BTBD9: variants seen among roughly 807,000 people sequenced by gnomAD.
BTBD9 encodes BTB/POZ domain-containing protein 9.
A neutral mutation model predicts 64.3 loss-of-function variants in BTBD9; 49 were observed. The ratio of observed to expected loss-of-function variants is 0.76; its 90% CI spans 0.61 to 0.97. The LOEUF is 0.97. BTBD9 is among the 50% of genes least tolerant of loss of function. The probability of loss-of-function intolerance (pLI) is 0.00; values close to 1 mark genes in which losing one functional copy is unlikely to be tolerated. For synonymous variants in BTBD9, 260 were observed against 274.7 expected (o/e 0.95, Z 0.53); for missense variants, 598 against 762.1 (o/e 0.78, Z 2.53).
At chr6:38,221,995 A>AAAAAAAT (rs984457269) in intron 9 of BTBD9, among the ~76,000 whole-genome samples, 1 of 152,114 alleles carries the variant, frequency 6.6e-6, no homozygotes, top group East Asian at 1.9e-4. Flanking sequence ...GTCTCGAAGA[A>AAAAAAAT]AAAAAATAAA....
chr6:38,599,158 A>T (rs984935646), intron 1 of BTBD9, among the ~76,000 whole-genome samples: 1 of 152,312 alleles, frequency 6.6e-6, no homozygotes, highest in East Asian at 1.9e-4. Context: ...TTTGTATACA[A>T]TGCCTTTCTA....
intron 6 of BTBD9, among the ~76,000 whole-genome samples, chr6:38,467,613 A>C (rs1158332837): frequency 2.0e-5 from 3 of 152,194 alleles, no homozygotes; most frequent in Admixed American, 2.0e-4. Flanking sequence ...ATGCACCACC[A>C]TTCCACATTT....
intron 6 of BTBD9, among the ~76,000 whole-genome samples, chr6:38,412,791 G>T (rs1357573877): frequency 6.6e-6 from 1 of 152,056 alleles, no homozygotes; most frequent in African/African-American, 2.4e-5. Flanking sequence ...CCCAGGAGGT[G>T]GAGGTTGCAG....
intron 10 of BTBD9, among the ~76,000 whole-genome samples, chr6:38,178,284 G>A (rs1761373075): frequency 6.6e-6 from 1 of 152,116 alleles, no homozygotes; most frequent in Non-Finnish European, 1.5e-5. Flanking sequence ...GGTGGGGGTG[G>A]GCAAGCTACA....
chr6:38,457,466 AATGT>A (rs1202380117), intron 6 of BTBD9, among the ~76,000 whole-genome samples: 1 of 152,120 alleles, frequency 6.6e-6, no homozygotes, highest in Admixed American at 6.5e-5. Flanking sequence ...AAAGGACTGA[AATGT>A]GAAGAGTTAA....
chr6:38,546,809 C>G (rs1407179132), intron 6 of BTBD9, among the ~76,000 whole-genome samples: 3 of 152,324 alleles, frequency 2.0e-5, no homozygotes, highest in Admixed American at 2.0e-4. Context: ...GCTGGGATTA[C>G]AGGTGCCCAC....
intron 4 of BTBD9, among the ~76,000 whole-genome samples, chr6:38,588,856 T>C (rs1446983521): frequency 1.3e-5 from 2 of 152,240 alleles, no homozygotes; most frequent in Admixed American, 6.5e-5. Context: ...CTTTCTGCTA[T>C]TAACATGATG....
At chr6:38,392,879 T>TG (rs1274246680) in intron 6 of BTBD9, among the ~76,000 whole-genome samples, 1 of 150,772 alleles carries the variant, frequency 6.6e-6, no homozygotes, top group Non-Finnish European at 1.5e-5. Flanking sequence ...ACAATGATTT[T>TG]TTTTTTTTTT....
At position 38,473,921 on chromosome 6, in the gene BTBD9, A is replaced by T. The variant is rs143189949; in HGVS notation, c.1154+103679T>A. Among the ~76,000 whole-genome samples the T allele has an allele frequency of 7.2e-5, 11 of 152,276 alleles. No homozygotes were observed. The East Asian group carries it at 2.1e-3, about 29-fold the overall frequency. ...AAGTAAGCTAGATGAAGACTAGGGG[A>T]AGAGTATTCTAGAAAGAAAGGCAAT... On this transcript the variant is annotated intron_variant, in intron 6 of 10. Coordinates refer to ENST00000481247, the MANE Select transcript of BTBD9 (RefSeq NM_001099272.2).
chr6:38,299,356 A>G (rs10456463), intron 7 of BTBD9, among the ~76,000 whole-genome samples: 2 of 152,100 alleles, frequency 1.3e-5, no homozygotes, highest in African/African-American at 4.8e-5. Flanking sequence ...ATTTATAGTC[A>G]TTTGGGTATA....
intron 9 of BTBD9, among the ~76,000 whole-genome samples, chr6:38,208,662 G>A (rs1762735103): frequency 6.6e-6 from 1 of 152,188 alleles, no homozygotes; most frequent in African/African-American, 2.4e-5. Context: ...GAGACTCAGT[G>A]TGCAGGCCTC....
At chr6:38,504,839 T>A (rs1337826213) in intron 6 of BTBD9, among the ~76,000 whole-genome samples, 1 of 152,176 alleles carries the variant, frequency 6.6e-6, no homozygotes, top group African/African-American at 2.4e-5. Context: ...CTATGAACCA[T>A]CATACAGCCT....
chr6:38,367,953 T>G (rs185003400), intron 6 of BTBD9, among the ~76,000 whole-genome samples: 1 of 152,204 alleles, frequency 6.6e-6, no homozygotes, highest in Admixed American at 6.5e-5. Flanking sequence ...GTGATGGTGA[T>G]GCGATAATAG....
At chr6:38,501,365 T>C (rs762684652) in intron 6 of BTBD9, among the ~76,000 whole-genome samples, 1 of 152,090 alleles carries the variant, frequency 6.6e-6, no homozygotes, top group Non-Finnish European at 1.5e-5. Context: ...TATTCCAAAA[T>C]CAAAAAAAGT....
chr6:38,631,835 A>G (rs769709662), intron 1 of BTBD9, among the ~76,000 whole-genome samples: 22 of 152,268 alleles, frequency 1.4e-4, no homozygotes, highest in Non-Finnish European at 2.4e-4. Flanking sequence ...AGATTAAAAA[A>G]TGTTTGTTGT....
intron 6 of BTBD9, among the ~76,000 whole-genome samples, chr6:38,351,181 T>G (rs1394479573): frequency 6.6e-6 from 1 of 152,188 alleles, no homozygotes; most frequent in Non-Finnish European, 1.5e-5. Flanking sequence ...TCTCTTGTAC[T>G]GACTTCAGCA....
intron 4 of BTBD9, among the ~76,000 whole-genome samples, chr6:38,588,766 T>C (rs1031848103): frequency 6.6e-6 from 1 of 152,214 alleles, no homozygotes; most frequent in Non-Finnish European, 1.5e-5. Flanking sequence ...TACTCTTACA[T>C]GTATGTAAAG....
chr6:38,185,126 G>C (rs1761762398), intron 10 of BTBD9, among the ~76,000 whole-genome samples: 1 of 141,480 alleles, frequency 7.1e-6, no homozygotes, highest in South Asian at 2.5e-4. Context: ...CAAACTCCAA[G>C]GGCCAGGATC....
At chr6:38,565,664 C>A (rs1205480786) in intron 6 of BTBD9, among the ~76,000 whole-genome samples, 1 of 152,112 alleles carries the variant, frequency 6.6e-6, no homozygotes. Context: ...AATGATAATG[C>A]CCATTGTTGA....
Sources: allele counts gnomAD v4.1 joint callset (sites outside exome capture counted in the v4.1 genomes callset), GRCh38; gene constraint gnomAD v4.1.1; transcripts MANE v1.5; gene names NCBI Gene and HGNC (gene_info 2026-07-23, HGNC 2026-07-21).